The following CTNND2 variants were observed in gnomAD, a reference collection of about 807,000 sequenced individuals.
CTNND2 encodes the protein catenin delta 2.
CTNND2 carries 22 observed loss-of-function variants against 144.4 expected under a neutral mutation model. The ratio of observed to expected loss-of-function variants is 0.15; its 90% CI spans 0.11 to 0.22. The LOEUF is 0.22. CTNND2 is among the 10% of genes least tolerant of loss of function. The pLI, the probability that CTNND2 is intolerant of heterozygous loss-of-function variation, is 1.00. For missense variants in CTNND2, 1,353 were observed against 1,618.8 expected (o/e 0.84, Z 2.82); for synonymous variants, 751 against 695.6 (o/e 1.08, Z -1.25).
At chr5:11,099,169 C>T (rs1031569086) in intron 14 of CTNND2, among the ~76,000 whole-genome samples, 11 of 152,110 alleles carry the variant, frequency 7.2e-5, no homozygotes, top group African/African-American at 2.2e-4. Flanking sequence ...ACAACAAATG[C>T]CCTCACTTCT....
chr5:11,600,154 T>C (rs1779709516), intron 2 of CTNND2, among the ~76,000 whole-genome samples: 1 of 152,200 alleles, frequency 6.6e-6, no homozygotes, highest in South Asian at 2.1e-4. Context: ...TTGGAGGCAA[T>C]CACTGAAGTA....
chr5:11,697,309 T>C lies in CTNND2; in HGVS notation c.174+34827A>G, dbSNP rs76715629. 9.4e-3 allele frequency among the ~76,000 whole-genome samples: 1,427 copies of C among 152,290 alleles called. 23 individuals carry two copies. Among genetic ancestry groups the C allele is most frequent in the African/African-American group, 0.033 (1,379 of 41,556 alleles). On this transcript the variant is annotated intron_variant, in intron 2 of 21. Coordinates refer to ENST00000304623, the MANE Select transcript of CTNND2 (RefSeq NM_001332.4). The stretch of plus-strand genomic sequence containing the variant: ...TTGGACCTTAACAGTATATAAAAGT[T>C]GGATCTCAATTCACAGTTCTTCCAT...
chr5:11,362,740 G>A (rs555782468), intron 8 of CTNND2, among the ~76,000 whole-genome samples: 1 of 103,190 alleles, frequency 9.7e-6, no homozygotes, highest in South Asian at 3.1e-4. Context: ...GCAGTTAGAA[G>A]GTTACTATTG....
intron 1 of CTNND2, among the ~76,000 whole-genome samples, chr5:11,839,692 G>A (rs997781698): frequency 6.6e-6 from 1 of 152,088 alleles, no homozygotes; most frequent in African/African-American, 2.4e-5. Flanking sequence ...CAAGACACTA[G>A]CTTCACAGTA....
chr5:11,668,372 G>T (rs1456564624), intron 2 of CTNND2, among the ~76,000 whole-genome samples: 1 of 152,290 alleles, frequency 6.6e-6, no homozygotes, highest in East Asian at 1.9e-4. Context: ...CCATTTTCAC[G>T]ATATTGATTC....
At chr5:11,262,934 C>T (rs988090114) in intron 9 of CTNND2, among the ~76,000 whole-genome samples, 2 of 152,018 alleles carry the variant, frequency 1.3e-5, no homozygotes, top group Non-Finnish European at 2.9e-5. Context: ...ACTTTTCCTG[C>T]CGAGAATCGT....
chr5:11,014,019 T>C (rs1029196199), intron 18 of CTNND2, among the ~76,000 whole-genome samples: 1 of 152,216 alleles, frequency 6.6e-6, no homozygotes, highest in Admixed American at 6.5e-5. Flanking sequence ...CAAGGTCACC[T>C]GCTGGCCTTG....
intron 2 of CTNND2, among the ~76,000 whole-genome samples, chr5:11,659,201 T>A (rs76675557): frequency 1.3e-5 from 2 of 152,236 alleles, no homozygotes; most frequent in East Asian, 3.9e-4. Flanking sequence ...ATTTTCATAG[T>A]ATTTACATTG....
chr5:11,172,377 G>C (rs558467014), intron 11 of CTNND2, among the ~76,000 whole-genome samples: 1 of 152,296 alleles, frequency 6.6e-6, no homozygotes, highest in African/African-American at 2.4e-5. Context: ...TCATACTTTA[G>C]CCTAATCATG....
chr5:11,278,396 T>C (rs1410777300), intron 9 of CTNND2, among the ~76,000 whole-genome samples: 1 of 152,148 alleles, frequency 6.6e-6, no homozygotes, highest in Admixed American at 6.5e-5. Flanking sequence ...CTGGAAAGCA[T>C]GAAGAACAAT....
chr5:11,550,891 T>A (rs1481503486), intron 3 of CTNND2, among the ~76,000 whole-genome samples: 2 of 152,214 alleles, frequency 1.3e-5, no homozygotes, highest in African/African-American at 4.8e-5. Context: ...AAATGTTTTT[T>A]TGAAGTAAGT....
intron 6 of CTNND2, among the ~76,000 whole-genome samples, chr5:11,392,230 C>A (rs1759698424): frequency 6.6e-6 from 1 of 152,098 alleles, no homozygotes; most frequent in Non-Finnish European, 1.5e-5. Context: ...TTTTTCCTAC[C>A]CTTTTACCTC....
rs373689978 is a variant in CTNND2 at position 11,873,192 on chromosome 5, G to A, written c.37+30625C>T. Among the ~76,000 whole-genome samples, 10 of 152,176 alleles carry A rather than the reference G, an allele frequency of 6.6e-5. No individual in the cohort carries two copies. The East Asian group carries it at 9.7e-4, about 15-fold the overall frequency. ...TGTTATGCTTATCTGTCCAAAACCC[G>A]TATATAGTAACAAAAAAAGCAAAAG... On this transcript the variant is annotated intron_variant, in intron 1 of 21. Transcript: ENST00000304623.
At chr5:11,548,708 TAA>T (rs1156421541) in intron 3 of CTNND2, among the ~76,000 whole-genome samples, 1 of 152,224 alleles carries the variant, frequency 6.6e-6, no homozygotes, top group Non-Finnish European at 1.5e-5. Flanking sequence ...ATCTTCCGTG[TAA>T]AGTGACAAAT....
chr5:11,876,845 C>T (rs1410342306), intron 1 of CTNND2, among the ~76,000 whole-genome samples: 1 of 152,138 alleles, frequency 6.6e-6, no homozygotes, highest in Non-Finnish European at 1.5e-5. Context: ...ATAAATCAAA[C>T]ATGAAAGAAA....
intron 16 of CTNND2, among the ~76,000 whole-genome samples, chr5:11,070,856 G>C (rs1047909390): frequency 6.6e-6 from 1 of 152,080 alleles, no homozygotes; most frequent in African/African-American, 2.4e-5. Context: ...AATTATATCA[G>C]ATTTATACAA....
intron 1 of CTNND2, among the ~76,000 whole-genome samples, chr5:11,772,953 T>C (rs1790034813): frequency 1.3e-5 from 2 of 152,330 alleles, no homozygotes; most frequent in South Asian, 4.1e-4. Context: ...GAGAAATGCA[T>C]CTTTTTCTCA....
intron 1 of CTNND2, among the ~76,000 whole-genome samples, chr5:11,865,685 G>A (rs1795726892): frequency 1.3e-5 from 2 of 151,932 alleles, no homozygotes; most frequent in Non-Finnish European, 2.9e-5. Flanking sequence ...ATAGAATTAA[G>A]GTCTCTAATC....
intron 3 of CTNND2, among the ~76,000 whole-genome samples, chr5:11,447,336 C>T (rs1237605498): frequency 1.4e-5 from 2 of 145,448 alleles, no homozygotes; most frequent in African/African-American, 2.6e-5. Flanking sequence ...AGGGAGATGC[C>T]GTTTACAAAA....
Sources: allele counts gnomAD v4.1 joint callset (sites outside exome capture counted in the v4.1 genomes callset), GRCh38; gene constraint gnomAD v4.1.1; transcripts MANE v1.5; gene names NCBI Gene and HGNC (gene_info 2026-07-23, HGNC 2026-07-21).